The following UNC13C variants were observed in gnomAD, a reference collection of about 807,000 sequenced individuals.
UNC13C encodes protein unc-13 homolog C.
In UNC13C, 174 loss-of-function variants were observed where a neutral mutation model predicts 245.4. The observed-to-expected ratio is 0.71, with a 90% CI of 0.63 to 0.80. The LOEUF is 0.80. Ranked by LOEUF, UNC13C falls within the 30% of genes least tolerant of loss-of-function variation. The pLI, the probability that UNC13C is intolerant of heterozygous loss-of-function variation, is 0.00. For missense variants in UNC13C, 2,829 were observed against 2,602.9 expected, an observed-to-expected ratio of 1.09 and a Z score of -1.89; for synonymous variants, 992 against 895.1, an observed-to-expected ratio of 1.11 and a Z score of -1.93.
chr15:54,510,218 C>T (rs1178796984), intron 23 of UNC13C, among the ~76,000 whole-genome samples: 1 of 152,074 alleles, frequency 6.6e-6, no homozygotes, highest in Non-Finnish European at 1.5e-5. Context: ...CATTATAAGT[C>T]ATTGTTTTAC....
the UNC13C span, among the ~76,000 whole-genome samples, chr15:53,854,596 G>C: frequency 6.6e-6 from 1 of 152,184 alleles, no homozygotes; most frequent in Non-Finnish European, 1.5e-5. Context: ...TCAAAGGTCA[G>C]ATAGTTGTAG....
At chr15:53,859,051 TTTC>T in the UNC13C span, among the ~76,000 whole-genome samples, 1 of 152,172 alleles carries the variant, frequency 6.6e-6, no homozygotes, top group Admixed American at 6.6e-5. Context: ...CTTTTATTTT[TTTC>T]TTATTTGAGT....
intron 2 of UNC13C, among the ~76,000 whole-genome samples, chr15:54,101,346 A>T (rs1008679635): frequency 6.6e-6 from 1 of 152,022 alleles, no homozygotes; most frequent in African/African-American, 2.4e-5. Context: ...TTATTGCCAT[A>T]TTGAGTTATT....
intron 2 of UNC13C, among the ~76,000 whole-genome samples, chr15:54,099,531 C>A (rs1183053493): frequency 6.6e-6 from 1 of 152,082 alleles, no homozygotes; most frequent in Admixed American, 6.5e-5. Context: ...TTCCTTTCCT[C>A]CTCACCATTC....
chr15:54,118,084 T>C (rs574123703), intron 2 of UNC13C, among the ~76,000 whole-genome samples: 16 of 152,240 alleles, frequency 1.1e-4, no homozygotes, highest in Non-Finnish European at 1.6e-4. Context: ...GATAATGTGA[T>C]GCTTCAGCTT....
chr15:54,198,594 G>A (rs2034430011), intron 4 of UNC13C, among the ~76,000 whole-genome samples: 1 of 152,106 alleles, frequency 6.6e-6, no homozygotes, highest in African/African-American at 2.4e-5. Context: ...TGGGTGGGTA[G>A]ACGCAGAATA....
chr15:54,163,347 G>A (rs895186828), intron 4 of UNC13C, among the ~76,000 whole-genome samples: 5 of 152,178 alleles, frequency 3.3e-5, no homozygotes, highest in African/African-American at 7.2e-5. Context: ...GCCAGATGGC[G>A]CAGAGCCTTG....
chr15:54,421,435 G>A (rs1398968905), intron 19 of UNC13C, among the ~76,000 whole-genome samples: 4 of 151,936 alleles, frequency 2.6e-5, no homozygotes, highest in African/African-American at 9.7e-5. Context: ...TGGACCCCAG[G>A]TTCAAAACTT....
chr15:54,049,176 G>T, intron 2 of UNC13C: 1 of 439,162 alleles, frequency 2.3e-6, no homozygotes, highest in Non-Finnish European at 4.5e-6. Context: ...TTTTCCAGTT[G>T]ATACCTTGAA....
intron 19 of UNC13C, among the ~76,000 whole-genome samples, chr15:54,436,661 C>G (rs191240967): frequency 1.3e-5 from 2 of 151,704 alleles, no homozygotes; most frequent in Admixed American, 6.6e-5. Flanking sequence ...CAGGGCCTGT[C>G]GAGGGTTGGG....
At position 54,167,913 on chromosome 15, in the gene UNC13C, C is replaced by T. The variant is rs568179360; in HGVS notation, c.3071+24229C>T. On this transcript the variant is annotated intron_variant, in intron 4 of 32. Transcript: ENST00000260323. ...TTTTTAGAAATATGAAAATCAAAGG[C>T]ACCAGGAGACACTACTATGCACCTA... Among the ~76,000 whole-genome samples, 16 of 152,190 alleles carry T rather than the reference C, an allele frequency of 1.1e-4. No individual in the cohort carries two copies. The South Asian group carries it at 3.1e-3, about 30-fold the overall frequency.
At chr15:54,006,815 C>T (rs1895157660) in intron 1 of UNC13C, among the ~76,000 whole-genome samples, 1 of 152,196 alleles carries the variant, frequency 6.6e-6, no homozygotes, top group Non-Finnish European at 1.5e-5. Context: ...GCTTGCCCTT[C>T]CATCTCCAGC....
intron 19 of UNC13C, among the ~76,000 whole-genome samples, chr15:54,450,146 G>T (rs1014091894): frequency 1.3e-5 from 2 of 152,116 alleles, no homozygotes; most frequent in African/African-American, 4.8e-5. Flanking sequence ...GTCTCAGAGG[G>T]CTACCCAGCC....
intron 13 of UNC13C, among the ~76,000 whole-genome samples, chr15:54,306,349 C>A (rs966068912): frequency 1.3e-5 from 2 of 151,956 alleles, no homozygotes; most frequent in African/African-American, 2.4e-5. Context: ...GCAAATGCAA[C>A]CATCCATCTA....
At chr15:53,976,077 T>C (rs1052955679), upstream of UNC13C, among the ~76,000 whole-genome samples, 1 of 152,184 alleles carries the variant, frequency 6.6e-6, no homozygotes, top group Admixed American at 6.5e-5. Flanking sequence ...AAACTACTCG[T>C]CAAAAGCCAA....
intron 25 of UNC13C, among the ~76,000 whole-genome samples, chr15:54,528,238 G>T (rs1895566582): frequency 6.6e-6 from 1 of 151,952 alleles, no homozygotes; most frequent in Non-Finnish European, 1.5e-5. Context: ...ATAACTTGAA[G>T]ATGGTCTTAA....
At chr15:54,430,773 A>G (rs775625036) in intron 19 of UNC13C, among the ~76,000 whole-genome samples, 5 of 151,750 alleles carry the variant, frequency 3.3e-5, no homozygotes, top group Non-Finnish European at 7.4e-5. Flanking sequence ...CAAGAACTAG[A>G]ATGAGCTTTC....
At chr15:54,279,259 AT>A (rs1340841982) in intron 10 of UNC13C, among the ~76,000 whole-genome samples, 2 of 152,182 alleles carry the variant, frequency 1.3e-5, no homozygotes, top group Non-Finnish European at 2.9e-5. Context: ...CAACATTACT[AT>A]TTGTGAATTC....
chr15:53,863,764 G>A, the UNC13C span, among the ~76,000 whole-genome samples: 4 of 152,184 alleles, frequency 2.6e-5, no homozygotes, highest in Non-Finnish European at 4.4e-5. Flanking sequence ...TGCCACACTT[G>A]TGTATCTTCA....
Sources: allele counts gnomAD v4.1 joint callset (sites outside exome capture counted in the v4.1 genomes callset), GRCh38; gene constraint gnomAD v4.1.1; transcripts MANE v1.5; gene names NCBI Gene and HGNC (gene_info 2026-07-23, HGNC 2026-07-21).